Variants in ANKS1B observed in about 807,000 individuals in gnomAD.
ANKS1B encodes the protein ankyrin repeat and sterile alpha motif domain containing 1B, also known as ankyrin repeat and sterile alpha motif domain-containing protein 1B.
A neutral mutation model predicts 148.3 loss-of-function variants in ANKS1B; 36 were observed. The ratio of observed to expected loss-of-function variants is 0.24; its 90% CI spans 0.19 to 0.32. ANKS1B has a LOEUF of 0.32. Among genes scored for constraint, ANKS1B ranks in the 10% least tolerant of loss-of-function variants. The pLI is 1.00. For missense variants in ANKS1B, 1,157 were observed against 1,542.6 expected (o/e 0.75, Z 4.19); for synonymous variants, 542 against 560.8 (o/e 0.97, Z 0.47).
In ANKS1B at chr12:99,647,864, C is replaced by T. The variant is rs967168864; in HGVS notation, c.1272+7203G>A. ...GGAATATCAGGCTCAAATGGAGGTC[C>T]CTCCCGAATGAGCACTGACACCTGT... is the stretch of plus-strand genomic sequence containing the variant. On this transcript the variant is annotated intron_variant, in intron 9 of 26. Coordinates refer to ENST00000683438, the MANE Select transcript of ANKS1B (RefSeq NM_001352186.2). 7 of 342,518 alleles carry T rather than the reference C, an allele frequency of 2.0e-5. No homozygotes were observed. In the South Asian group the frequency reaches 2.8e-4, roughly 14 times the overall value. 21.2% of individuals were successfully genotyped at this position (342,518 alleles called of 1,614,324 possible).
intron 1 of ANKS1B, among the ~76,000 whole-genome samples, chr12:99,861,628 G>A (rs2090022488): frequency 6.6e-6 from 1 of 152,048 alleles, no homozygotes. Flanking sequence ...TCTTTCACAA[G>A]CCCAAAAGCT....
chr12:99,898,678 G>T (rs879299682), intron 1 of ANKS1B, among the ~76,000 whole-genome samples: 3 of 152,142 alleles, frequency 2.0e-5, no homozygotes, highest in African/African-American at 7.2e-5. Flanking sequence ...CAACGATGAA[G>T]AAAGCAAAGA....
intron 12 of ANKS1B, among the ~76,000 whole-genome samples, chr12:99,335,889 T>C (rs1180196003): frequency 6.6e-6 from 1 of 152,140 alleles, no homozygotes; most frequent in Non-Finnish European, 1.5e-5. Context: ...AGCAATGGGA[T>C]TTCTGGATCA....
At chr12:98,937,021 A>T (rs891638566) in intron 17 of ANKS1B, among the ~76,000 whole-genome samples, 1 of 152,102 alleles carries the variant, frequency 6.6e-6, no homozygotes, top group Non-Finnish European at 1.5e-5. Flanking sequence ...TAGTTTTCTT[A>T]CTATTTGCTC....
chr12:99,352,991 TA>T (rs2091591783), intron 12 of ANKS1B, among the ~76,000 whole-genome samples: 1 of 152,050 alleles, frequency 6.6e-6, no homozygotes, highest in African/African-American at 2.4e-5. Context: ...ATTCAAATTG[TA>T]ATTAGACTCT....
chr12:99,623,549 A>C (rs1048740247), intron 9 of ANKS1B, among the ~76,000 whole-genome samples: 2 of 152,048 alleles, frequency 1.3e-5, no homozygotes, highest in Admixed American at 6.6e-5. Flanking sequence ...CGGCTGACAA[A>C]GTTTCAGAAT....
intron 8 of ANKS1B, among the ~76,000 whole-genome samples, chr12:99,688,061 A>C (rs2098659326): frequency 6.6e-6 from 1 of 151,938 alleles, no homozygotes; most frequent in Non-Finnish European, 1.5e-5. Context: ...TTAAGGAGAG[A>C]CTCTTCTGAG....
intron 17 of ANKS1B, among the ~76,000 whole-genome samples, chr12:98,870,936 C>T (rs1301254143): frequency 6.6e-6 from 1 of 152,190 alleles, no homozygotes; most frequent in Non-Finnish European, 1.5e-5. Flanking sequence ...TGTGTCATTC[C>T]TCTGATTATT....
At chr12:99,282,139 G>A (rs2154000864) in intron 12 of ANKS1B, among the ~76,000 whole-genome samples, 1 of 152,256 alleles carries the variant, frequency 6.6e-6, no homozygotes, top group South Asian at 2.1e-4. Context: ...GTGGTAGTCA[G>A]GAAAGCATCT....
intron 9 of ANKS1B, among the ~76,000 whole-genome samples, chr12:99,552,883 A>G (rs537999903): frequency 6.6e-6 from 1 of 152,186 alleles, no homozygotes; most frequent in Non-Finnish European, 1.5e-5. Context: ...TTGTTATACT[A>G]TATTGTTTAG....
At chr12:99,485,469 A>G (rs563391352) in intron 10 of ANKS1B, among the ~76,000 whole-genome samples, 23 of 152,238 alleles carry the variant, frequency 1.5e-4, no homozygotes, top group African/African-American at 5.1e-4. Context: ...CCTGATGACT[A>G]TATGCCTTGG....
intron 8 of ANKS1B, among the ~76,000 whole-genome samples, chr12:99,722,642 T>C (rs998091869): frequency 1.3e-5 from 2 of 152,164 alleles, no homozygotes; most frequent in African/African-American, 4.8e-5. Flanking sequence ...GTTTTCATGG[T>C]TGGTAACACA....
At chr12:99,623,727 A>G (rs1567503075) in intron 9 of ANKS1B, among the ~76,000 whole-genome samples, 1 of 152,122 alleles carries the variant, frequency 6.6e-6, no homozygotes, top group Non-Finnish European at 1.5e-5. Context: ...TAGGAAAACT[A>G]TAAAACACTG....
At chr12:99,338,750 C>A (rs1421754186) in intron 12 of ANKS1B, among the ~76,000 whole-genome samples, 1 of 152,102 alleles carries the variant, frequency 6.6e-6, no homozygotes, top group African/African-American at 2.4e-5. Flanking sequence ...ATGAATCTTG[C>A]CTGGATGATG....
intron 15 of ANKS1B, among the ~76,000 whole-genome samples, chr12:99,111,316 CCCAGGT>C (rs1293387891): frequency 6.6e-6 from 1 of 152,160 alleles, no homozygotes; most frequent in African/African-American, 2.4e-5. Flanking sequence ...GAACTTATTT[CCCAGGT>C]CCTCACTATT....
chr12:98,796,841 T>C (rs2098954134), intron 22 of ANKS1B, among the ~76,000 whole-genome samples: 1 of 152,174 alleles, frequency 6.6e-6, no homozygotes, highest in African/African-American at 2.4e-5. Flanking sequence ...ACTAAATTAT[T>C]CTCTACTTAG....
intron 14 of ANKS1B, among the ~76,000 whole-genome samples, chr12:99,188,442 G>A (rs1373297515): frequency 6.6e-6 from 1 of 152,072 alleles, no homozygotes. Context: ...CATATAATTG[G>A]AAGTAAAACA....
Position 98,968,374 on chromosome 12 carries a change from G to A in ANKS1B, c.2778+84783C>T, listed in dbSNP as rs533920018. On this transcript the variant is annotated intron_variant, in intron 17 of 26. Transcript: ENST00000683438. ...ACAGAAACTCTGAGGGTGGGACTCA[G>A]GAATCTGTGTCTTAACAAGCTCTCC... is the stretch of plus-strand genomic sequence containing the variant. 1.7e-4 allele frequency among the ~76,000 whole-genome samples: 26 copies of A among 152,244 alleles called. 1 individual carries two copies. In the South Asian group the frequency reaches 5.2e-3, roughly 30 times the overall value.
intron 12 of ANKS1B, among the ~76,000 whole-genome samples, chr12:99,350,968 C>A (rs974161108): frequency 6.6e-6 from 1 of 152,078 alleles, no homozygotes; most frequent in Non-Finnish European, 1.5e-5. Flanking sequence ...TCTCTTTTCC[C>A]AAATCATTCT....
Sources: gnomAD v4.1 joint callset for allele counts (sites outside exome capture counted in the v4.1 genomes callset) on GRCh38, gnomAD v4.1.1 for gene constraint, MANE v1.5 for transcripts, NCBI Gene and HGNC (gene_info 2026-07-23, HGNC 2026-07-21) for gene names.